ABCC1: variants seen among roughly 807,000 people sequenced by gnomAD.
The protein encoded by ABCC1 is multidrug resistance-associated protein 1.
A neutral mutation model predicts 172.9 loss-of-function variants in ABCC1; 83 were observed. That is an observed-to-expected ratio of 0.48 (90% CI 0.40 to 0.58). ABCC1 has a LOEUF of 0.58. Ranked by LOEUF, ABCC1 falls within the 20% of genes least tolerant of loss-of-function variation. ABCC1 has a pLI of 0.00. For synonymous variants in ABCC1, 937 were observed against 825.2 expected (o/e 1.14, Z -2.32); for missense variants, 1,817 against 2,002.7 (o/e 0.91, Z 1.77).
At chr16:16,009,991 T>TGCC in intron 3 of ABCC1, 90 bp downstream of exon 3, 1 of 1,064,048 alleles carries the variant, frequency 9.4e-7, no homozygotes, top group Non-Finnish European at 1.2e-6. Flanking sequence ...ATCATAGTTT[T>TGCC]TTAAGGCAAT....
chr16:16,016,661 T>C, intron 5 of ABCC1, 40 bp downstream of exon 5: 1 of 1,610,494 alleles, frequency 6.2e-7, no homozygotes, highest in Non-Finnish European at 8.5e-7. Flanking sequence ...CGTGTGTGTG[T>C]GAGAGAGATG....
intron 1 of ABCC1, among the ~76,000 whole-genome samples, chr16:16,006,721 G>GTGC: frequency 6.6e-6 from 1 of 152,236 alleles, no homozygotes; most frequent in South Asian, 2.1e-4. Flanking sequence ...TAACCCTTCT[G>GTGC]TGCCTGAGTT....
At chr16:16,115,434 A>T (rs1295398233) in intron 23 of ABCC1, among the ~76,000 whole-genome samples, 1 of 151,996 alleles carries the variant, frequency 6.6e-6, no homozygotes, top group East Asian at 1.9e-4. Flanking sequence ...GGCTTACTGC[A>T]ACCTCCACCT....
At chr16:16,009,507 C>T (rs112068479) in intron 2 of ABCC1, among the ~76,000 whole-genome samples, 64 of 152,162 alleles carry the variant, frequency 4.2e-4, no homozygotes, top group African/African-American at 1.1e-3. Context: ...GTTCAGGCAC[C>T]GGGGAGCATG....
intron 1 of ABCC1, among the ~76,000 whole-genome samples, chr16:15,983,612 A>C (rs978683337): frequency 6.8e-6 from 1 of 147,158 alleles, no homozygotes; most frequent in Admixed American, 7.0e-5. Flanking sequence ...CTGGAGAGCA[A>C]TGGCATGATC....
intron 5 of ABCC1, among the ~76,000 whole-genome samples, chr16:16,025,831 G>GAC (rs1415600085): frequency 6.6e-6 from 1 of 152,186 alleles, no homozygotes; most frequent in Non-Finnish European, 1.5e-5. Context: ...CTTCAGCCAG[G>GAC]ACTTCTCTGA....
At chr16:16,045,254 C>T (rs746821781) in intron 8 of ABCC1, among the ~76,000 whole-genome samples, 8 of 151,780 alleles carry the variant, frequency 5.3e-5, no homozygotes, top group Non-Finnish European at 1.0e-4. Flanking sequence ...AAAAATTAGC[C>T]GGGCGTGGTG....
At chr16:15,996,152 T>G (rs369174062) in intron 1 of ABCC1, among the ~76,000 whole-genome samples, 1 of 152,110 alleles carries the variant, frequency 6.6e-6, no homozygotes, top group African/African-American at 2.4e-5. Flanking sequence ...GCCCGGCTAA[T>G]TTTTGTACAT....
chr16:16,105,132 C>G (rs2052018715), intron 20 of ABCC1, among the ~76,000 whole-genome samples: 1 of 152,216 alleles, frequency 6.6e-6, no homozygotes, highest in Non-Finnish European at 1.5e-5. Context: ...GTGCCAAGGC[C>G]GAGGAGGCAC....
At chr16:16,112,685 T>C (rs2044671227) in intron 22 of ABCC1, among the ~76,000 whole-genome samples, 4 of 152,218 alleles carry the variant, frequency 2.6e-5, no homozygotes, top group Admixed American at 2.6e-4. Flanking sequence ...GAGCTCACGC[T>C]GTTATCCACT....
chr16:16,124,856 A>G lies in ABCC1; in HGVS notation c.3658A>G (p.Ile1220Val), dbSNP rs1227547610. The change falls in exon 25 of 31, where the codon ATC (isoleucine) becomes GTC (valine). Residue 1220 changes from isoleucine to valine, a missense_variant. Ile to Val is a conservative substitution (Grantham distance 29). Coordinates refer to ENST00000399410, the MANE Select transcript of ABCC1 (RefSeq NM_004996.4). ...IVLFAALFAV[I>V]SRHSLSAGLV... The stretch of plus-strand genomic sequence containing the variant: ...TCTGTTTGCTGCCCTGTTTGCGGTG[A>G]TCTCCAGGCACAGCCTCAGTGCTGG... 6.2e-7 allele frequency: 1 copy of G among 1,614,070 alleles called. No homozygotes were observed. Among genetic ancestry groups the G allele is most frequent in the Non-Finnish European group, 8.5e-7 (1 of 1,180,018 alleles).
At chr16:16,078,042 C>T (rs944633366) in intron 15 of ABCC1, among the ~76,000 whole-genome samples, 1 of 152,152 alleles carries the variant, frequency 6.6e-6, no homozygotes, top group African/African-American at 2.4e-5. Context: ...CCTGTAATCC[C>T]AGCTACTTGG....
intron 5 of ABCC1, among the ~76,000 whole-genome samples, chr16:16,027,625 G>C (rs573375520): frequency 3.9e-5 from 6 of 152,232 alleles, no homozygotes; most frequent in African/African-American, 1.4e-4. Context: ...CTAGCTCAAG[G>C]AATAGAGTGA....
At chr16:15,951,402 A>C (rs541092707) in intron 1 of ABCC1, among the ~76,000 whole-genome samples, 2 of 151,934 alleles carry the variant, frequency 1.3e-5, no homozygotes, top group East Asian at 1.9e-4. Context: ...TAAAATTTTT[A>C]TTTTCTTTTT....
intron 7 of ABCC1, among the ~76,000 whole-genome samples, chr16:16,037,479 C>T (rs2048801581): frequency 6.7e-6 from 1 of 150,154 alleles, no homozygotes; most frequent in Non-Finnish European, 1.5e-5. Flanking sequence ...TTCTATGTAA[C>T]AGTAAGAAAG....
chr16:16,140,351 T>C lies in ABCC1; in HGVS notation c.4488-822T>C, dbSNP rs554761598. The stretch of plus-strand genomic sequence containing the variant: ...AGGGAAGTGACATGAGTTTCTATTT[T>C]ATTTTATATATTTTTGAGACAGGGT... On this transcript the variant is annotated intron_variant, in intron 30 of 30. Coordinates refer to ENST00000399410, the MANE Select transcript of ABCC1 (RefSeq NM_004996.4). Among the ~76,000 whole-genome samples, 53 of 152,270 alleles carry C rather than the reference T, an allele frequency of 3.5e-4. 1 individual carries two copies. Among genetic ancestry groups the C allele is most frequent in the African/African-American group, 1.2e-3 (48 of 41,552 alleles).
chr16:16,068,564 C>A (rs181131366), intron 13 of ABCC1, among the ~76,000 whole-genome samples: 2 of 152,178 alleles, frequency 1.3e-5, no homozygotes, highest in African/African-American at 4.8e-5. Context: ...AGAATCTTTC[C>A]GAAATACTCT....
chr16:16,073,247 A>G (rs2050423614), intron 14 of ABCC1, among the ~76,000 whole-genome samples: 1 of 152,050 alleles, frequency 6.6e-6, no homozygotes, highest in Non-Finnish European at 1.5e-5. Flanking sequence ...CTTGCCTGAG[A>G]TTGCACAGCT....
chr16:16,102,620 C>A lies in ABCC1; in HGVS notation c.2645-7C>A. The stretch of plus-strand genomic sequence containing the variant: ...CCCACTTGCCCCCTTTGTCTCTCTT[C>A]TGCCAGGGGTCACGGGCGTCAGCGG... On this transcript the variant is annotated splice_polypyrimidine_tract_variant and splice_region_variant and intron_variant, in intron 19 of 30. Transcript: ENST00000399410. 1 of 1,571,704 alleles carries A rather than the reference C, an allele frequency of 6.4e-7. No homozygotes were observed. The highest frequency in any genetic ancestry group is 8.6e-7 in the Non-Finnish European group (1 of 1,157,850).
Sources: allele counts gnomAD v4.1 joint callset (sites outside exome capture counted in the v4.1 genomes callset), GRCh38; gene constraint gnomAD v4.1.1; transcripts MANE v1.5; gene names NCBI Gene and HGNC (gene_info 2026-07-23, HGNC 2026-07-21).